FARP2: variants seen among roughly 807,000 people sequenced by gnomAD.
The protein encoded by FARP2 is FERM, ARH/RhoGEF and pleckstrin domain protein 2.
Under a neutral mutation model 130.5 loss-of-function variants are expected in FARP2, and 111 were observed. The ratio of observed to expected loss-of-function variants is 0.85; its 90% CI spans 0.73 to 1.00. The LOEUF (loss-of-function observed/expected upper bound fraction) is 1.00, where lower values mean the gene tolerates loss of function less well. Among genes scored for constraint, FARP2 ranks in the 50% least tolerant of loss-of-function variants. FARP2 has a pLI of 0.00. For synonymous variants in FARP2, 504 were observed against 516.9 expected, an observed-to-expected ratio of 0.98 and a Z score of 0.34; for missense variants, 1,385 against 1,346.3, an observed-to-expected ratio of 1.03 and a Z score of -0.45.
chr2:241,431,687 C>G lies in FARP2; in HGVS notation c.780C>G (p.Thr260=). The G allele has an allele frequency of 6.3e-7, 1 of 1,583,144 alleles. No homozygotes were observed. The highest frequency in any genetic ancestry group is 2.3e-5 in the East Asian group (1 of 44,366). ...HMGVLVFQGT[T]KINTFNWSKV... is the part of the protein sequence containing the mutation. Reference sequence around the variant, plus strand: ...TGTCTCTTGCATTTCAGGGCACCACCAAAATCAACACTTTCAACTGGTCCA... The same window carrying G: ...TGTCTCTTGCATTTCAGGGCACCACGAAAATCAACACTTTCAACTGGTCCA... The change falls in exon 9 of 27, where the codon ACC becomes ACG. Residue 260 remains threonine (T), a synonymous_variant. Coordinates refer to ENST00000264042, the MANE Select transcript of FARP2 (RefSeq NM_014808.4).
chr2:241,450,940 A>G (rs2063641426), intron 13 of FARP2, among the ~76,000 whole-genome samples: 1 of 152,168 alleles, frequency 6.6e-6, no homozygotes, highest in Admixed American at 6.5e-5. Flanking sequence ...CAACAGAGCA[A>G]GACTGTCTAA....
intron 19 of FARP2, chr2:241,478,714 T>A: frequency 2.1e-6 from 1 of 472,926 alleles, no homozygotes. Flanking sequence ...AGGACAAAAT[T>A]AGAGAACAAG....
chr2:241,398,194 ATG>A (rs1387029621), intron 2 of FARP2, among the ~76,000 whole-genome samples: 1 of 152,034 alleles, frequency 6.6e-6, no homozygotes, highest in Non-Finnish European at 1.5e-5. Flanking sequence ...CATGTGTCTT[ATG>A]TGTGCAGCTT....
Position 241,480,532 on chromosome 2 carries a change from G to GT in FARP2, c.2263-2922dup, listed in dbSNP as rs57828148. 3.1e-4 allele frequency among the ~76,000 whole-genome samples: 46 copies of GT among 149,266 alleles called. 1 individual carries two copies. Among genetic ancestry groups the GT allele is most frequent in the Non-Finnish European group, 3.1e-4 (21 of 67,202 alleles). Reference sequence around the variant, plus strand: ...GATACAATAGATAGGCTTGTGTTGTGTTTTTTTTTTTAAATTTAAAGATAT... The same window carrying GT: ...GATACAATAGATAGGCTTGTGTTGTGTTTTTTTTTTTTAAATTTAAAGATAT... On this transcript the variant is annotated intron_variant, in intron 19 of 26. Coordinates refer to ENST00000264042, the MANE Select transcript of FARP2 (RefSeq NM_014808.4).
rs573484026 is a variant in FARP2 at position 241,462,728 on chromosome 2, C to T, written c.1677+116C>T. Reference sequence around the variant, plus strand: ...TTTTTGAGATGGAGCCTCACTCTGTCACCCAGGCTGGAGTGCGGTGGCATG... The same window carrying T: ...TTTTTGAGATGGAGCCTCACTCTGTTACCCAGGCTGGAGTGCGGTGGCATG... On this transcript the variant is annotated intron_variant, in intron 15 of 26. Transcript: ENST00000264042. The T allele has an allele frequency of 1.1e-5, 8 of 702,632 alleles. 1 individual carries two copies. In the South Asian group the frequency reaches 1.3e-4, roughly 11 times the overall value. The allele number at this position is 702,632 out of a possible 1,614,324, so 43.5% of individuals were successfully genotyped here. A position where few individuals can be genotyped will look rare whatever the true frequency, so the allele number is the denominator to read the frequency against.
chr2:241,367,151 G>C (rs1020214134), intron 1 of FARP2, among the ~76,000 whole-genome samples: 1 of 152,054 alleles, frequency 6.6e-6, no homozygotes, highest in Non-Finnish European at 1.5e-5. Flanking sequence ...AGCGCCTGCT[G>C]GAGAAGTGTG....
At chr2:241,406,819 AT>A (rs2062365892) in intron 4 of FARP2, among the ~76,000 whole-genome samples, 1 of 151,004 alleles carries the variant, frequency 6.6e-6, no homozygotes, top group African/African-American at 2.4e-5. Context: ...TTATTTATTT[AT>A]TTTTTGAGAC....
chr2:241,387,259 A>AGGAGGGAGGAGAAAAGAAAGGAAG (rs2061806161), intron 2 of FARP2: 1 of 152,254 alleles, frequency 6.6e-6, no homozygotes, highest in Admixed American at 6.5e-5. Flanking sequence ...AAGAAAGAAA[A>AGGAGGGAGGAGAAAAGAAAGGAAG]GGAGGGAGGA....
Position 241,418,051 on chromosome 2 carries a change from A to ACAGG in FARP2, c.714_717dup (p.Glu240GlnfsTer34), listed in dbSNP as rs1281292929. 6.2e-7 allele frequency: 1 copy of ACAGG among 1,614,194 alleles called. No individual in the cohort carries two copies. Among genetic ancestry groups the ACAGG allele is most frequent in the East Asian group, 2.2e-5 (1 of 44,880 alleles). On this transcript the variant is annotated frameshift_variant, in exon 8 of 27. Coordinates refer to ENST00000264042, the MANE Select transcript of FARP2 (RefSeq NM_014808.4). LOFTEE classifies it high-confidence loss of function. ...GGCATCAGATTTCACATGGCTTCTG[A>ACAGG]CAGGGAAGGAACCAAGATTCAACTG...
chr2:241,455,709 T>C (rs2063813616), intron 13 of FARP2, among the ~76,000 whole-genome samples: 1 of 151,362 alleles, frequency 6.6e-6, no homozygotes, highest in Non-Finnish European at 1.5e-5. Flanking sequence ...AGCAGTTAAA[T>C]TCCTTCTCTA....
intron 2 of FARP2, chr2:241,386,638 CAG>C (rs1311464395): frequency 1.3e-5 from 2 of 152,242 alleles, no homozygotes; most frequent in Non-Finnish European, 2.9e-5. Context: ...TGTGCAGATT[CAG>C]GGGGAGTATG....
Position 241,393,340 on chromosome 2 carries a change from A to G in FARP2, c.184-10488A>G, listed in dbSNP as rs545429334. 2.0e-3 allele frequency among the ~76,000 whole-genome samples: 305 copies of G among 152,114 alleles called. 2 individuals are homozygous for G. The highest frequency in any genetic ancestry group is 6.9e-3 in the African/African-American group (285 of 41,508). ...CGGCCTCCTTATGGTTCTTAGTGCA[A>G]TTTGGAGTAGAAGTTTGGTGTACAG... On this transcript the variant is annotated intron_variant, in intron 2 of 26. Transcript: ENST00000264042.
intron 17 of FARP2, among the ~76,000 whole-genome samples, chr2:241,464,724 C>T (rs1171858004): frequency 6.6e-6 from 1 of 151,936 alleles, no homozygotes; most frequent in Non-Finnish European, 1.5e-5. Flanking sequence ...TCCCTTGAAG[C>T]ATCATTCCCA....
Position 241,483,454 on chromosome 2 carries a change from CT to C in FARP2, c.2263-10del, listed in dbSNP as rs764663595. 6.2e-7 allele frequency: 1 copy of C among 1,613,158 alleles called. No individual in the cohort carries two copies. Among genetic ancestry groups the C allele is most frequent in the Admixed American group, 1.7e-5 (1 of 60,034 alleles). On this transcript the variant is annotated splice_polypyrimidine_tract_variant and intron_variant, in intron 19 of 26. Coordinates refer to ENST00000264042, the MANE Select transcript of FARP2 (RefSeq NM_014808.4). ...AGCCCGCTGAAAGGGGACTCTGTCT[CT>C]GTCTTTCAGGAGTTCATCCGTGAGG...
At chr2:241,362,765 C>T (rs2061218475) in intron 1 of FARP2, among the ~76,000 whole-genome samples, 1 of 152,184 alleles carries the variant, frequency 6.6e-6, no homozygotes, top group Admixed American at 6.5e-5. Context: ...GGTAGTACTT[C>T]TGCAGGATTC....
At chr2:241,492,535 CA>C (rs1222082159) in intron 24 of FARP2, 1 of 170,324 alleles carries the variant, frequency 5.9e-6, no homozygotes, top group Non-Finnish European at 1.3e-5. Context: ...GACAGGGCTG[CA>C]GTGGGGCATC....
intron 2 of FARP2, among the ~76,000 whole-genome samples, chr2:241,390,578 C>T (rs1490265614): frequency 6.6e-6 from 1 of 152,194 alleles, no homozygotes; most frequent in African/African-American, 2.4e-5. Flanking sequence ...TTGTAATATC[C>T]CCTTTTCATT....
At chr2:241,473,384 T>C (rs1316030859) in intron 18 of FARP2, among the ~76,000 whole-genome samples, 3 of 152,030 alleles carry the variant, frequency 2.0e-5, no homozygotes, top group Non-Finnish European at 4.4e-5. Context: ...GGGGCCATGT[T>C]CTGAGAGGGA....
At chr2:241,474,265 C>G (rs566979254) in intron 18 of FARP2, among the ~76,000 whole-genome samples, 1 of 124,196 alleles carries the variant, frequency 8.1e-6, no homozygotes, top group Admixed American at 1.1e-4. Context: ...GAGCCGAGAT[C>G]GTGCCACTGC....
Sources: gnomAD v4.1 joint callset for allele counts (sites outside exome capture counted in the v4.1 genomes callset) on GRCh38, gnomAD v4.1.1 for gene constraint, MANE v1.5 for transcripts, NCBI Gene and HGNC (gene_info 2026-07-23, HGNC 2026-07-21) for gene names.